Variants in RAPGEF5 observed in about 807,000 individuals in gnomAD.
RAPGEF5 encodes M-Ras-regulated GEF.
RAPGEF5 carries 65 observed loss-of-function variants against 125.2 expected under a neutral mutation model. The observed-to-expected ratio is 0.52, with a 90% CI of 0.43 to 0.64. RAPGEF5 has a LOEUF of 0.64. Ranked by LOEUF, RAPGEF5 falls within the 30% of genes least tolerant of loss-of-function variation. RAPGEF5 has a pLI of 0.00. For missense variants in RAPGEF5, 958 were observed against 1,048.1 expected, an observed-to-expected ratio of 0.91 and a Z score of 1.19; for synonymous variants, 391 against 385.9, an observed-to-expected ratio of 1.01 and a Z score of -0.16.
Position 22,162,513 on chromosome 7 carries a change from C to G in RAPGEF5, c.1312G>C (p.Glu438Gln). 1 of 1,610,050 alleles carries G rather than the reference C, an allele frequency of 6.2e-7. No homozygotes were observed. Among genetic ancestry groups the G allele is most frequent in the African/African-American group, 1.3e-5 (1 of 74,928 alleles). ...HYSAKKYQGK[E>Q]ENSDVPRRKR... is the part of the protein sequence containing the mutation. ...CTACGCGGAACGTCTGAGTTTTCCT[C>G]TTTGCCTTGATACTTCTTAGCAGAA... The change falls in exon 13 of 26, where the codon GAG becomes CAG. Residue 438 changes from glutamate to glutamine, a missense_variant. Transcript: ENST00000665637.
chr7:22,310,028 C>T lies in RAPGEF5; in HGVS notation c.452G>A (p.Cys151Tyr). 1 of 1,601,944 alleles carries T rather than the reference C, an allele frequency of 6.2e-7. No homozygotes were observed. Among genetic ancestry groups the T allele is most frequent in the Admixed American group, 1.7e-5 (1 of 57,396 alleles). Reference sequence around the variant, plus strand: ...CCAGACTCCTATGGCCATAGATCTGCACTGGACGAAAGGACAGTGTTCTAG... The same window carrying T: ...CCAGACTCCTATGGCCATAGATCTGTACTGGACGAAAGGACAGTGTTCTAG... ...WLLEHCPFVQ[C>Y]RSMAIGVWQL... The change falls in exon 4 of 26, where the codon TGC (cysteine) becomes TAC (tyrosine). Residue 151 changes from cysteine (C) to tyrosine (Y), a missense_variant. Cys to Tyr is a radical substitution (Grantham distance 194, BLOSUM62 -2). Transcript: ENST00000665637.
chr7:22,300,426 C>T (rs1303847140), intron 5 of RAPGEF5, among the ~76,000 whole-genome samples: 2 of 152,166 alleles, frequency 1.3e-5, no homozygotes, highest in Non-Finnish European at 2.9e-5. Flanking sequence ...ATATCTGAGT[C>T]ATCTCAGGGT....
intron 12 of RAPGEF5, among the ~76,000 whole-genome samples, 199 bp from the exon 13 acceptor site, chr7:22,162,740 G>T (rs941550043): frequency 1.3e-5 from 2 of 152,196 alleles, no homozygotes; most frequent in African/African-American, 2.4e-5. Context: ...AGTATACTCG[G>T]TAGGCAGCCA....
At chr7:22,144,908 T>G (rs1783380855) in intron 20 of RAPGEF5, 136 bp downstream of exon 20, 13 of 993,032 alleles carry the variant, frequency 1.3e-5, no homozygotes, top group Non-Finnish European at 1.8e-5. Context: ...ATTGGACATT[T>G]TCAGCCATTT....
intron 1 of RAPGEF5, among the ~76,000 whole-genome samples, chr7:22,336,577 A>C (rs1227928192): frequency 1.3e-5 from 2 of 152,184 alleles, no homozygotes; most frequent in Non-Finnish European, 2.9e-5. Flanking sequence ...GGGTCTTCAG[A>C]CAGCCAGCTG....
intron 2 of RAPGEF5, 103 bp downstream of exon 2, chr7:22,317,884 T>C: frequency 4.8e-6 from 7 of 1,471,216 alleles, no homozygotes; most frequent in South Asian, 1.3e-5. Flanking sequence ...TGCAAAACTC[T>C]ATGTGGTCAG....
At chr7:22,260,046 T>C (rs1016241338) in intron 7 of RAPGEF5, among the ~76,000 whole-genome samples, 5 of 151,632 alleles carry the variant, frequency 3.3e-5, no homozygotes, top group African/African-American at 1.2e-4. Flanking sequence ...ATCGTGCCAC[T>C]GCACTCACTT....
intron 16 of RAPGEF5, among the ~76,000 whole-genome samples, 188 bp downstream of exon 16, chr7:22,156,622 A>G (rs988178190): frequency 6.6e-6 from 1 of 152,208 alleles, no homozygotes; most frequent in Non-Finnish European, 1.5e-5. Context: ...TTGGGACAGT[A>G]TTATGTGATC....
chr7:22,269,435 G>C (rs1782366221), intron 6 of RAPGEF5, among the ~76,000 whole-genome samples: 1 of 151,976 alleles, frequency 6.6e-6, no homozygotes, highest in Admixed American at 6.6e-5. Context: ...CATTATCCTG[G>C]GCAATTGACA....
At chr7:22,314,757 C>A (rs920614582) in intron 3 of RAPGEF5, 3 of 473,040 alleles carry the variant, frequency 6.3e-6, no homozygotes, top group African/African-American at 2.1e-5. Flanking sequence ...TAATAATTTA[C>A]TTTTGGTTTT....
chr7:22,275,357 GGTACATACGTTTGT>G (rs1782532533), intron 6 of RAPGEF5, among the ~76,000 whole-genome samples: 1 of 152,110 alleles, frequency 6.6e-6, no homozygotes, highest in African/African-American at 2.4e-5. Flanking sequence ...CACCATTCCT[GGTACATACGTTTGT>G]GATCAAGAAC....
intron 8 of RAPGEF5, among the ~76,000 whole-genome samples, chr7:22,229,853 C>A (rs1348920062): frequency 6.6e-6 from 1 of 152,180 alleles, no homozygotes; most frequent in East Asian, 1.9e-4. Context: ...AACTTTCAAA[C>A]CTAAGTAGAA....
At chr7:22,337,284 G>A (rs1408279227) in intron 1 of RAPGEF5, among the ~76,000 whole-genome samples, 1 of 152,134 alleles carries the variant, frequency 6.6e-6, no homozygotes, top group East Asian at 1.9e-4. Flanking sequence ...CTCTGCTTCT[G>A]GCTGGGGATA....
chr7:22,353,244 A>C (rs748141264), intron 1 of RAPGEF5, among the ~76,000 whole-genome samples: 1 of 152,244 alleles, frequency 6.6e-6, no homozygotes, highest in Non-Finnish European at 1.5e-5. Context: ...AGGGAGGGGA[A>C]GCTGTTATAA....
At chr7:22,264,902 G>T (rs779657453) in intron 7 of RAPGEF5, among the ~76,000 whole-genome samples, 8 of 152,066 alleles carry the variant, frequency 5.3e-5, no homozygotes, top group South Asian at 2.1e-4. Flanking sequence ...CTGTACATTT[G>T]TCTCTTTATC....
intron 6 of RAPGEF5, among the ~76,000 whole-genome samples, chr7:22,276,409 G>T (rs781379750): frequency 1.3e-5 from 2 of 152,034 alleles, no homozygotes; most frequent in Non-Finnish European, 2.9e-5. Context: ...CAATCATCGT[G>T]CCCTTTGGAG....
chr7:22,179,244 T>C (rs1318340685), intron 11 of RAPGEF5, among the ~76,000 whole-genome samples: 1 of 152,158 alleles, frequency 6.6e-6, no homozygotes, highest in Non-Finnish European at 1.5e-5. Context: ...AGCAATAATA[T>C]ATGGAATATT....
intron 25 of RAPGEF5, among the ~76,000 whole-genome samples, chr7:22,124,193 T>C (rs1469717335): frequency 4.6e-5 from 7 of 152,192 alleles, no homozygotes; most frequent in African/African-American, 7.2e-5. Context: ...TTGGAGCATA[T>C]ATAAACTAGA....
Position 22,356,963 on chromosome 7 carries a change from C to T in RAPGEF5, c.98G>A (p.Arg33His). ...GGGCTCCCGGGCGCTGGGGCTGCGG[C>T]GCAGGGGGCCGTCTGCCGCCACCAC... is the stretch of plus-strand genomic sequence containing the variant. ...AAVVAADGPL[R>H]RSPSAREPER... is the part of the protein sequence containing the mutation. Residue 33 changes from arginine (R) to histidine (H), a missense_variant, in exon 1 of 26, where the codon CGC (arginine) becomes CAC (histidine). Physicochemically the swap from Arg to His is conservative, Grantham distance 29 (BLOSUM62 0). Coordinates refer to ENST00000665637, the MANE Select transcript of RAPGEF5 (RefSeq NM_012294.5). The T allele has an allele frequency of 1.9e-6, 2 of 1,034,542 alleles. No homozygotes were observed. The highest frequency in any genetic ancestry group is 2.3e-6 in the Non-Finnish European group (2 of 864,070). The allele number at this position is 1,034,542 out of a possible 1,614,324, so 64.1% of individuals were successfully genotyped here.
Sources: gnomAD v4.1 joint callset for allele counts (sites outside exome capture counted in the v4.1 genomes callset) on GRCh38, gnomAD v4.1.1 for gene constraint, MANE v1.5 for transcripts, NCBI Gene and HGNC (gene_info 2026-07-23, HGNC 2026-07-21) for gene names.